Variants in TBL1XR1 observed in about 807,000 individuals in gnomAD.
TBL1XR1 encodes the protein TBL1X/Y related 1, also known as F-box-like/WD repeat-containing protein TBL1XR1.
In TBL1XR1, 5 loss-of-function variants were observed where a neutral mutation model predicts 66.9. The observed-to-expected ratio is 0.07, with a 90% CI of 0.04 to 0.16. TBL1XR1 has a LOEUF of 0.16. TBL1XR1 is among the 10% of genes least tolerant of loss of function. The pLI is 1.00. For missense variants in TBL1XR1, 238 were observed against 623.2 expected, an observed-to-expected ratio of 0.38 and a Z score of 6.58; for synonymous variants, 210 against 206.0, an observed-to-expected ratio of 1.02 and a Z score of -0.17.
At chr3:177,136,924 G>A (rs967313319) in intron 1 of TBL1XR1, among the ~76,000 whole-genome samples, 1 of 152,152 alleles carries the variant, frequency 6.6e-6, no homozygotes, top group African/African-American at 2.4e-5. Context: ...CCGTTGTCAT[G>A]AGTGATTAGA....
At chr3:177,184,976 CA>C (rs1159193179) in intron 1 of TBL1XR1, among the ~76,000 whole-genome samples, 1 of 152,186 alleles carries the variant, frequency 6.6e-6, no homozygotes, top group Non-Finnish European at 1.5e-5. Context: ...CTGAAAAGCA[CA>C]GGAGAAATTA....
chr3:177,115,555 T>A (rs1726205217), intron 1 of TBL1XR1, among the ~76,000 whole-genome samples: 1 of 152,006 alleles, frequency 6.6e-6, no homozygotes, highest in Non-Finnish European at 1.5e-5. Context: ...GGTCAATTCT[T>A]CCCCAAATCT....
In TBL1XR1 at chr3:177,046,005, A is replaced by G. The variant is rs1453129020; in HGVS notation, c.925+124T>C. On this transcript the variant is annotated intron_variant, in intron 10 of 15. Coordinates refer to ENST00000457928, the MANE Select transcript of TBL1XR1 (RefSeq NM_024665.7). ...GAATGTCATGGAACATCAACTCTCCAAAGGACTAGTAACAAGACTGATACT... is the reference window on the plus strand; with the variant it reads ...GAATGTCATGGAACATCAACTCTCCGAAGGACTAGTAACAAGACTGATACT... 8 of 715,900 alleles carry G rather than the reference A, an allele frequency of 1.1e-5. No individual in the cohort carries two copies. The African/African-American group carries it at 1.1e-4, about 10-fold the overall frequency. 44.3% of individuals were successfully genotyped at this position (715,900 alleles called of 1,614,324 possible). A position where few individuals can be genotyped will look rare whatever the true frequency, so the allele number is the denominator to read the frequency against.
At chr3:177,069,885 G>C (rs754160160) in intron 2 of TBL1XR1, among the ~76,000 whole-genome samples, 1 of 150,498 alleles carries the variant, frequency 6.6e-6, no homozygotes, top group African/African-American at 2.5e-5. Context: ...TTATTCATTA[G>C]TTAACTGAGA....
chr3:177,112,482 C>T (rs898954577), intron 1 of TBL1XR1, among the ~76,000 whole-genome samples: 5 of 151,942 alleles, frequency 3.3e-5, no homozygotes, highest in African/African-American at 1.2e-4. Context: ...CTCATTCAAT[C>T]CCCTTTGTTT....
At chr3:177,172,670 G>GA (rs1356241946) in intron 1 of TBL1XR1, among the ~76,000 whole-genome samples, 3,117 of 104,170 alleles carry the variant, frequency 0.03, 138 homozygotes, top group African/African-American at 0.087. Context: ...AGAGAAGGGA[G>GA]GGGAGGGGAG....
upstream of TBL1XR1, among the ~76,000 whole-genome samples, chr3:177,197,662 C>CGGG (rs1737064857): frequency 9.3e-6 from 1 of 107,512 alleles, no homozygotes; most frequent in African/African-American, 3.4e-5. Flanking sequence ...GGGGGAGGGG[C>CGGG]CGGCGGGGGA....
intron 2 of TBL1XR1, among the ~76,000 whole-genome samples, chr3:177,098,230 A>AAAGAG (rs1723744627): frequency 6.6e-6 from 1 of 151,992 alleles, no homozygotes; most frequent in South Asian, 2.1e-4. Context: ...CATAAAAAGA[A>AAAGAG]AAGAAAATAG....
chr3:177,152,931 A>G (rs1204009131), intron 1 of TBL1XR1, among the ~76,000 whole-genome samples: 1 of 152,154 alleles, frequency 6.6e-6, no homozygotes, highest in Non-Finnish European at 1.5e-5. Context: ...ACTTGAGGTC[A>G]GGAGTTGGAG....
chr3:177,055,116 G>A (rs1432983549), intron 3 of TBL1XR1, among the ~76,000 whole-genome samples: 1 of 152,118 alleles, frequency 6.6e-6, no homozygotes, highest in African/African-American at 2.4e-5. Flanking sequence ...TTGGGTCTTG[G>A]TTAAACTGAT....
At chr3:177,162,158 A>G (rs756644402) in intron 1 of TBL1XR1, among the ~76,000 whole-genome samples, 1 of 152,236 alleles carries the variant, frequency 6.6e-6, no homozygotes, top group Non-Finnish European at 1.5e-5. Flanking sequence ...TATTCAGAAT[A>G]GCGCAATGTT....
chr3:177,187,673 C>G (rs1298429745), intron 1 of TBL1XR1, among the ~76,000 whole-genome samples: 1 of 152,044 alleles, frequency 6.6e-6, no homozygotes, highest in Non-Finnish European at 1.5e-5. Flanking sequence ...CACTCAAAAA[C>G]TGAGTCACTG....
At position 177,093,870 on chromosome 3, in the gene TBL1XR1, C is replaced by T. The variant is rs575276483; in HGVS notation, c.-46+4596G>A. Among the ~76,000 whole-genome samples the T allele has an allele frequency of 5.9e-5, 9 of 152,250 alleles. No individual in the cohort carries two copies. The South Asian group carries it at 1.7e-3, about 28-fold the overall frequency. On this transcript the variant is annotated intron_variant, in intron 2 of 15. Coordinates refer to ENST00000457928, the MANE Select transcript of TBL1XR1 (RefSeq NM_024665.7). The stretch of plus-strand genomic sequence containing the variant: ...TCTAACACCTGAAACCATAAGAATT[C>T]CAGAAGATAACATTGGGAAAACCCT...
chr3:177,126,239 G>A (rs1457061009), intron 1 of TBL1XR1: 1 of 152,064 alleles, frequency 6.6e-6, no homozygotes, highest in Non-Finnish European at 1.5e-5. Flanking sequence ...GCTAGATATG[G>A]GATTCAGCCA....
intron 2 of TBL1XR1, among the ~76,000 whole-genome samples, chr3:177,089,328 C>G (rs904512071): frequency 2.6e-5 from 4 of 152,154 alleles, no homozygotes; most frequent in African/African-American, 9.7e-5. Context: ...TGAGGCCAAA[C>G]AGCAGGTCAG....
At chr3:177,073,558 A>G (rs1720311170) in intron 2 of TBL1XR1, among the ~76,000 whole-genome samples, 1 of 152,224 alleles carries the variant, frequency 6.6e-6, no homozygotes, top group South Asian at 2.1e-4. Flanking sequence ...TCTATTTGGA[A>G]AGATTCAATC....
intron 1 of TBL1XR1, among the ~76,000 whole-genome samples, chr3:177,155,933 C>T (rs1389932098): frequency 1.3e-5 from 2 of 151,758 alleles, no homozygotes; most frequent in Non-Finnish European, 2.9e-5. Context: ...CACTTGAACC[C>T]GAGAGGTGAA....
At chr3:177,088,323 T>A (rs1355276123) in intron 2 of TBL1XR1, among the ~76,000 whole-genome samples, 1 of 152,108 alleles carries the variant, frequency 6.6e-6, no homozygotes, top group African/African-American at 2.4e-5. Flanking sequence ...AAAACTCTGG[T>A]TCATGCACAA....
At chr3:177,143,122 C>T (rs1270214730) in intron 1 of TBL1XR1, among the ~76,000 whole-genome samples, 2 of 151,290 alleles carry the variant, frequency 1.3e-5, no homozygotes, top group Non-Finnish European at 2.9e-5. Flanking sequence ...GGGAAATAAG[C>T]TTTGTTCATA....
Sources: allele counts gnomAD v4.1 joint callset (sites outside exome capture counted in the v4.1 genomes callset), GRCh38; gene constraint gnomAD v4.1.1; transcripts MANE v1.5; gene names NCBI Gene and HGNC (gene_info 2026-07-23, HGNC 2026-07-21).